Variants in ADGRG6 observed in about 807,000 individuals in gnomAD.
The protein encoded by ADGRG6 is G-protein coupled receptor 126.
A neutral mutation model predicts 142.4 loss-of-function variants in ADGRG6; 84 were observed. The ratio of observed to expected loss-of-function variants is 0.59; its 90% CI spans 0.49 to 0.71. The LOEUF is 0.71. Among genes scored for constraint, ADGRG6 ranks in the 30% least tolerant of loss-of-function variants. The pLI is 0.00. For synonymous variants in ADGRG6, 521 were observed against 520.5 expected, an observed-to-expected ratio of 1.00 and a Z score of -0.01; for missense variants, 1,367 against 1,466.6, an observed-to-expected ratio of 0.93 and a Z score of 1.11.
intron 2 of ADGRG6, among the ~76,000 whole-genome samples, chr6:142,311,120 A>G (rs1317333703): frequency 1.3e-5 from 2 of 151,936 alleles, no homozygotes; most frequent in Admixed American, 6.6e-5. Flanking sequence ...AAGAAAAGGA[A>G]TCAACTTGTC....
chr6:142,376,103 T>C (rs1047534447), intron 4 of ADGRG6, among the ~76,000 whole-genome samples: 1 of 152,204 alleles, frequency 6.6e-6, no homozygotes, highest in Non-Finnish European at 1.5e-5. Flanking sequence ...ATTTTTCTCA[T>C]AACAATTTTA....
At chr6:142,427,571 C>T (rs1213184095) in intron 22 of ADGRG6, among the ~76,000 whole-genome samples, 1 of 152,172 alleles carries the variant, frequency 6.6e-6, no homozygotes, top group Non-Finnish European at 1.5e-5. Flanking sequence ...ACCCAGTTCC[C>T]AAGTTGCTTC....
intron 7 of ADGRG6, among the ~76,000 whole-genome samples, chr6:142,391,560 A>C (rs1390649808): frequency 6.6e-6 from 1 of 151,610 alleles, no homozygotes; most frequent in African/African-American, 2.4e-5. Flanking sequence ...AAAAAAGTTG[A>C]CCATAGGTAA....
At chr6:142,343,764 T>C (rs1392499683) in intron 2 of ADGRG6, among the ~76,000 whole-genome samples, 1 of 151,858 alleles carries the variant, frequency 6.6e-6, no homozygotes, top group African/African-American at 2.4e-5. Flanking sequence ...CAAAAGCCAA[T>C]TGTGCAGTTC....
intron 2 of ADGRG6, among the ~76,000 whole-genome samples, chr6:142,313,492 C>T (rs1032681909): frequency 2.0e-5 from 3 of 152,108 alleles, no homozygotes; most frequent in Non-Finnish European, 4.4e-5. Context: ...AGGAGCCTCC[C>T]TTCTCTCCTG....
At chr6:142,382,771 T>A (rs1781831143) in intron 5 of ADGRG6, among the ~76,000 whole-genome samples, 1 of 152,210 alleles carries the variant, frequency 6.6e-6, no homozygotes. Flanking sequence ...AGCCATGCCT[T>A]TTGTAAAAGC....
intron 2 of ADGRG6, among the ~76,000 whole-genome samples, chr6:142,346,543 A>G (rs1004148226): frequency 6.6e-6 from 1 of 152,140 alleles, no homozygotes; most frequent in African/African-American, 2.4e-5. Context: ...CCAAAGGATT[A>G]TAAATCATTC....
At chr6:142,414,732 A>G (rs947270868) in intron 18 of ADGRG6, among the ~76,000 whole-genome samples, 1 of 152,224 alleles carries the variant, frequency 6.6e-6, no homozygotes, top group Non-Finnish European at 1.5e-5. Context: ...AGCTTGGGAA[A>G]GAAGGTAATG....
intron 6 of ADGRG6, among the ~76,000 whole-genome samples, chr6:142,388,743 C>T (rs1782155264): frequency 6.6e-6 from 1 of 152,008 alleles, no homozygotes; most frequent in African/African-American, 2.4e-5. Flanking sequence ...ACTAGAAGTA[C>T]AGTTTCCACC....
At chr6:142,407,056 C>T (rs1361704209) in intron 15 of ADGRG6, among the ~76,000 whole-genome samples, 1 of 151,464 alleles carries the variant, frequency 6.6e-6, no homozygotes, top group East Asian at 1.9e-4. Flanking sequence ...CATATCTGGC[C>T]AGGCGCAGTG....
At chr6:142,330,671 A>G (rs1268402571) in intron 2 of ADGRG6, among the ~76,000 whole-genome samples, 1 of 152,198 alleles carries the variant, frequency 6.6e-6, no homozygotes, top group Non-Finnish European at 1.5e-5. Context: ...TTGATTTTCT[A>G]TAACCTTATA....
intron 2 of ADGRG6, among the ~76,000 whole-genome samples, chr6:142,343,167 CTGTTTTTTTGTTTAA>C (rs1318839993): frequency 1.3e-5 from 2 of 151,556 alleles, no homozygotes; most frequent in Non-Finnish European, 3.0e-5. Context: ...CCTGCTTTTC[CTGTTTTTTTGTTTAA>C]TAATTTTCAT....
intron 13 of ADGRG6, among the ~76,000 whole-genome samples, 183 bp downstream of exon 13, chr6:142,403,013 T>C (rs917875866): frequency 5.3e-5 from 8 of 152,072 alleles, no homozygotes; most frequent in African/African-American, 1.7e-4. Context: ...GTGTGTTTTT[T>C]TTTTTGAGAA....
chr6:142,337,180 A>ATT, intron 2 of ADGRG6, among the ~76,000 whole-genome samples: 1 of 152,292 alleles, frequency 6.6e-6, no homozygotes, highest in Non-Finnish European at 1.5e-5. Context: ...ATTTTATTAT[A>ATT]CTGTTATGTG....
rs375364069 is a variant in ADGRG6, at chr6:142,370,962, C to T, written c.1069+169C>T. On this transcript the variant is annotated intron_variant, in intron 4 of 24. Transcript: ENST00000367609. Reference sequence around the variant, plus strand: ...AAAGCTCTTTTAATTTTTAAAATGTCGTCTGCTCAGCTCTTATAGCACACA... The same window carrying T: ...AAAGCTCTTTTAATTTTTAAAATGTTGTCTGCTCAGCTCTTATAGCACACA... 44 of 675,660 alleles carry T rather than the reference C, an allele frequency of 6.5e-5. No homozygotes were observed. The East Asian group carries it at 8.5e-4, about 13-fold the overall frequency. 41.9% of individuals were successfully genotyped at this position (675,660 alleles called of 1,614,324 possible).
At chr6:142,431,813 C>G (rs1777220354) in intron 22 of ADGRG6, among the ~76,000 whole-genome samples, 1 of 152,062 alleles carries the variant, frequency 6.6e-6, no homozygotes, top group Admixed American at 6.6e-5. Context: ...ATCCCAGCTA[C>G]TCAGCAGATT....
intron 22 of ADGRG6, among the ~76,000 whole-genome samples, chr6:142,423,088 G>A (rs1776743014): frequency 2.0e-5 from 3 of 147,616 alleles, no homozygotes; most frequent in Admixed American, 2.0e-4. Flanking sequence ...TGAGTAGGTT[G>A]CGAAAATTTT....
intron 4 of ADGRG6, among the ~76,000 whole-genome samples, chr6:142,379,670 G>C (rs1476527166): frequency 6.6e-6 from 1 of 152,172 alleles, no homozygotes; most frequent in Non-Finnish European, 1.5e-5. Flanking sequence ...GGGAGGCTGA[G>C]GCAGGAGAAT....
intron 22 of ADGRG6, among the ~76,000 whole-genome samples, chr6:142,433,921 T>C (rs1444543795): frequency 6.6e-6 from 1 of 152,072 alleles, no homozygotes; most frequent in African/African-American, 2.4e-5. Context: ...TGGTGGCACA[T>C]GCCTATTGTC....
Sources: allele counts gnomAD v4.1 joint callset (sites outside exome capture counted in the v4.1 genomes callset), GRCh38; gene constraint gnomAD v4.1.1; transcripts MANE v1.5; gene names NCBI Gene and HGNC (gene_info 2026-07-23, HGNC 2026-07-21).